ZNF384: variants seen among roughly 807,000 people sequenced by gnomAD.
ZNF384 encodes the protein zinc finger protein 384.
In ZNF384, 20 loss-of-function variants were observed where a neutral mutation model predicts 65.0. That is an observed-to-expected ratio of 0.31 (90% CI 0.22 to 0.45). The LOEUF (loss-of-function observed/expected upper bound fraction) is 0.45. Ranked by LOEUF, ZNF384 falls within the 20% of genes least tolerant of loss-of-function variation. The pLI is 1.00. For missense variants in ZNF384, 549 were observed against 769.4 expected, an observed-to-expected ratio of 0.71 and a Z score of 3.39; for synonymous variants, 310 against 303.9, an observed-to-expected ratio of 1.02 and a Z score of -0.21.
At chr12:6,671,063 GGA>G (rs1951304284) in intron 9 of ZNF384, among the ~76,000 whole-genome samples, 2 of 152,174 alleles carry the variant, frequency 1.3e-5, no homozygotes, top group Admixed American at 1.3e-4. Context: ...TGCTGGGGGA[GGA>G]GAGACTGAGG....
At chr12:6,677,887 G>A (rs972391026) in intron 6 of ZNF384, among the ~76,000 whole-genome samples, 2 of 152,174 alleles carry the variant, frequency 1.3e-5, no homozygotes, top group Non-Finnish European at 2.9e-5. Flanking sequence ...ATTAGTCAGT[G>A]TTAACGACCC....
intron 11 of ZNF384, among the ~76,000 whole-genome samples, chr12:6,668,524 GA>G (rs1950341635): frequency 1.3e-5 from 2 of 151,958 alleles, no homozygotes; most frequent in African/African-American, 4.8e-5. Context: ...GCAACATGGT[GA>G]AACCCCATGT....
At chr12:6,677,787 T>C (rs1461493979) in intron 6 of ZNF384, among the ~76,000 whole-genome samples, 1 of 152,046 alleles carries the variant, frequency 6.6e-6, no homozygotes, top group East Asian at 1.9e-4. Context: ...GAATGGAATA[T>C]GTAGAAAGCA....
chr12:6,668,905 G>C (rs921789064), intron 11 of ZNF384, 126 bp downstream of exon 11: 2 of 995,234 alleles, frequency 2.0e-6, no homozygotes. Context: ...ATATTTACCT[G>C]TTCTGCTAAG....
intron 10 of ZNF384, among the ~76,000 whole-genome samples, chr12:6,670,063 A>G (rs1449892993): frequency 6.6e-6 from 1 of 152,222 alleles, no homozygotes; most frequent in East Asian, 1.9e-4. Context: ...CAGAGGTTAC[A>G]TGATGTGTGA....
rs1950564297 is a variant in ZNF384, at chr12:6,669,180, G to A, written c.1276C>T (p.Arg426Trp). Reference sequence around the variant, plus strand: ...AAGGGTTTATCTTTGTTGTGTTGCCGTCTGTGGGACTGAGAAAATTGGGAG... The same window carrying A: ...AAGGGTTTATCTTTGTTGTGTTGCCATCTGTGGGACTGAGAAAATTGGGAG... ...TQLSNLQSHR[R>W]QHNKDKPFKC... is the part of the protein sequence containing the mutation. The change falls in exon 11 of 12, where the codon CGG (arginine) becomes TGG (tryptophan). Residue 426 changes from arginine (R) to tryptophan (W), a missense_variant. Arg to Trp is a moderately radical substitution (Grantham distance 101, BLOSUM62 -3). Coordinates refer to ENST00000683879, the MANE Select transcript of ZNF384 (RefSeq NM_001385745.1). The A allele has an allele frequency of 6.2e-7, 1 of 1,609,348 alleles. No homozygotes were observed. The highest frequency in any genetic ancestry group is 8.5e-7 in the Non-Finnish European group (1 of 1,176,916).
chr12:6,667,514 T>C lies in ZNF384; in HGVS notation c.*200A>G. 1.4e-6 allele frequency: 1 copy of C among 739,256 alleles called. No homozygotes were observed. Among genetic ancestry groups the C allele is most frequent in the Non-Finnish European group, 2.4e-6 (1 of 424,714 alleles). The allele number at this position is 739,256 out of a possible 1,614,324, so 45.8% of individuals were successfully genotyped here. On this transcript the variant is annotated 3_prime_UTR_variant, in exon 12 of 12. Transcript: ENST00000683879. Reference sequence around the variant, plus strand: ...TGACACCATCAGCTCAGTATTCCTTTGCAATCAGGAGGGCTGATGTTCCTT... The same window carrying C: ...TGACACCATCAGCTCAGTATTCCTTCGCAATCAGGAGGGCTGATGTTCCTT...
rs1950062132 is a variant in ZNF384 at position 6,667,669 on chromosome 12, C to T, written c.*45G>A. 7 of 1,612,440 alleles carry T rather than the reference C, an allele frequency of 4.3e-6. No homozygotes were observed. Among genetic ancestry groups the T allele is most frequent in the Non-Finnish European group, 5.9e-6 (7 of 1,178,932 alleles). ...CACCAAGAGTTGGAGAAAGAAGACA[C>T]CAGGACTACTTCTTCCTCTTCCCAG... On this transcript the variant is annotated 3_prime_UTR_variant, in exon 12 of 12. Transcript: ENST00000683879.
chr12:6,678,242 G>C lies in ZNF384; in HGVS notation c.571C>G (p.Pro191Ala). ...GGGGSVAPKP[P>A]RGRKKKRMLE... ...ATCCGCTTCTTCTTCCGGCCCCGGG[G>C]TGGCTTAGGAGCCACACTGCCACCT... Residue 191 changes from proline (P) to alanine (A), a missense_variant, in exon 6 of 12, where the codon CCC (proline) becomes GCC (alanine). Around this residue, in one of 5 missense-constraint regions of ZNF384, gnomAD observed 277 missense variants for 337.2 expected, o/e 0.82. Coordinates refer to ENST00000683879, the MANE Select transcript of ZNF384 (RefSeq NM_001385745.1). This position sits in a 1 kb window ranked among gnomAD's most constrained non-coding sequence, Gnocchi z 4.9. The C allele has an allele frequency of 6.2e-7, 1 of 1,614,138 alleles. No homozygotes were observed. The highest frequency in any genetic ancestry group is 8.5e-7 in the Non-Finnish European group (1 of 1,180,030).
intron 2 of ZNF384, among the ~76,000 whole-genome samples, chr12:6,682,866 C>T (rs913582746): frequency 1.3e-5 from 2 of 152,162 alleles, no homozygotes; most frequent in African/African-American, 2.4e-5. Flanking sequence ...GGTAGACTAC[C>T]TACATATAGA....
chr12:6,673,521 GC>G lies in ZNF384; in HGVS notation c.780-82del, dbSNP rs1189396714. 3 of 1,271,368 alleles carry G rather than the reference GC, an allele frequency of 2.4e-6. No homozygotes were observed. The highest frequency in any genetic ancestry group is 4.9e-5 in the East Asian group (2 of 40,780). 78.8% of individuals were successfully genotyped at this position (1,271,368 alleles called of 1,614,324 possible). On this transcript the variant is annotated intron_variant, in intron 7 of 11. Transcript: ENST00000683879. The surrounding 1 kb of genome is among the most constrained non-coding windows in gnomAD (Gnocchi z 4.7). ...ACCCTCCCCTCTACTTCCAAGAGAA[GC>G]CCACCTATCTGAGGTCTCTCCTACT...
chr12:6,688,521 G>C (rs1169813540), intron 1 of ZNF384: 4 of 152,354 alleles, frequency 2.6e-5, no homozygotes, highest in African/African-American at 9.7e-5. Flanking sequence ...AGGTAACCAG[G>C]GGTCAGAGAA....
intron 7 of ZNF384, among the ~76,000 whole-genome samples, chr12:6,674,455 G>A (rs755114826): frequency 7.2e-5 from 11 of 152,226 alleles, no homozygotes; most frequent in Non-Finnish European, 1.5e-4. Flanking sequence ...TGGAAGCCAG[G>A]CAATTAGCAC....
chr12:6,669,719 T>C (rs1950772043), intron 10 of ZNF384, among the ~76,000 whole-genome samples: 1 of 151,950 alleles, frequency 6.6e-6, no homozygotes, highest in African/African-American at 2.4e-5. Flanking sequence ...CCAGGCTGGT[T>C]TCCAACTCCT....
chr12:6,679,377 T>G, intron 3 of ZNF384, 78 bp downstream of exon 3: 3 of 1,411,652 alleles, frequency 2.1e-6, no homozygotes, highest in Non-Finnish European at 2.0e-6. Context: ...TAAAACAGCA[T>G]GTGGTGTACC....
chr12:6,675,123 G>A (rs1953004240), intron 7 of ZNF384, among the ~76,000 whole-genome samples: 1 of 152,180 alleles, frequency 6.6e-6, no homozygotes, highest in African/African-American at 2.4e-5. Flanking sequence ...CTTAGTCAAA[G>A]TTTCCAATAA....
At position 6,667,938 on chromosome 12, in the gene ZNF384, GC is replaced by G; in HGVS notation, c.1602del (p.Gln534HisfsTer46). ...TGCTGCTGCTGCTGCTGCTGCTGCTGCTGCTGCTGTGATGCCTGGGAGGCCT... is the reference window on the plus strand; with the variant it reads ...TGCTGCTGCTGCTGCTGCTGCTGCTGTGCTGCTGTGATGCCTGGGAGGCCT... ...QAQASQASQQ[Q>X]QQQQQQQQQQ... is the part of the protein sequence containing the mutation. On this transcript the variant is annotated frameshift_variant, in exon 12 of 12. Coordinates refer to ENST00000683879, the MANE Select transcript of ZNF384 (RefSeq NM_001385745.1). LOFTEE classifies it high-confidence loss of function. The G allele has an allele frequency of 1.2e-6, 2 of 1,608,592 alleles. No homozygotes were observed. The highest frequency in any genetic ancestry group is 1.7e-6 in the Non-Finnish European group (2 of 1,177,944).
chr12:6,678,704 G>A lies in ZNF384; in HGVS notation c.311C>T (p.Ser104Phe), dbSNP rs1954723399. The A allele has an allele frequency of 2.5e-6, 4 of 1,613,970 alleles. No homozygotes were observed. Among genetic ancestry groups the A allele is most frequent in the East Asian group, 4.5e-5 (2 of 44,882 alleles). Residue 104 changes from serine (S) to phenylalanine (F), a missense_variant, in exon 5 of 12, where the codon TCC (serine) becomes TTC (phenylalanine). Ser to Phe is a radical substitution (Grantham distance 155). Transcript: ENST00000683879. This position sits in a 1 kb window ranked among gnomAD's most constrained non-coding sequence, Gnocchi z 4.9. ...PSTGLMTAGV[S>F]CSQRWRREGS... Reference sequence around the variant, plus strand: ...TTCTCTTCTCCACCTCTGAGAACAGGAGACTCCTTGATTCAGAGAAGGAAA... The same window carrying A: ...TTCTCTTCTCCACCTCTGAGAACAGAAGACTCCTTGATTCAGAGAAGGAAA...
Position 6,672,382 on chromosome 12 carries a change from G to C in ZNF384, c.1155C>G (p.Phe385Leu), listed in dbSNP as rs756375627. 6.2e-7 allele frequency: 1 copy of C among 1,613,970 alleles called. No individual in the cohort carries two copies. Among genetic ancestry groups the C allele is most frequent in the African/African-American group, 1.3e-5 (1 of 74,948 alleles). Residue 385 changes from phenylalanine (F) to leucine (L), a missense_variant, in exon 9 of 12, where the codon TTC becomes TTG. Phe to Leu is a conservative substitution (Grantham distance 22). Coordinates refer to ENST00000683879, the MANE Select transcript of ZNF384 (RefSeq NM_001385745.1). The surrounding 1 kb of genome is among the most constrained non-coding windows in gnomAD (Gnocchi z 4.4). ...GCTGCTGGAGGTGGGAGAGCTGGCG[G>C]AAGGCCTTCTGGCAGTAGGAACAGT... ...PYNCSYCQKA[F>L]RQLSHLQQHT...
Sources: allele counts gnomAD v4.1 joint callset (sites outside exome capture counted in the v4.1 genomes callset), GRCh38; gene constraint gnomAD v4.1.1; regional missense constraint gnomAD v4.1.1; non-coding constraint Gnocchi (gnomAD v3.1); transcripts MANE v1.5; gene names NCBI Gene and HGNC (gene_info 2026-07-23, HGNC 2026-07-21).